The following ABI2 variants were observed in gnomAD, a reference collection of about 807,000 sequenced individuals.
ABI2 encodes abl interactor 2, also known as abelson interactor 2.
Under a neutral mutation model 59.2 loss-of-function variants are expected in ABI2, and 25 were observed. The ratio of observed to expected loss-of-function variants is 0.42; its 90% CI spans 0.31 to 0.59. The LOEUF (loss-of-function observed/expected upper bound fraction) is 0.59. Ranked by LOEUF, ABI2 falls within the 20% of genes least tolerant of loss-of-function variation. The pLI, the probability that ABI2 is intolerant of heterozygous loss-of-function variation, is 0.14. For missense variants in ABI2, 545 were observed against 681.8 expected (o/e 0.80, Z 2.23); for synonymous variants, 213 against 235.5 (o/e 0.90, Z 0.87).
intron 9 of ABI2, among the ~76,000 whole-genome samples, chr2:203,410,023 C>T (rs923729393): frequency 1.3e-5 from 2 of 152,142 alleles, no homozygotes; most frequent in Non-Finnish European, 1.5e-5. Flanking sequence ...GGAAACATTT[C>T]TGGTCCTGTG....
intron 1 of ABI2, among the ~76,000 whole-genome samples, chr2:203,344,031 G>T (rs2081624975): frequency 6.6e-6 from 1 of 152,170 alleles, no homozygotes. Flanking sequence ...TAGTTGGGAG[G>T]CTGAGGTGGG....
chr2:203,425,551 C>T (rs1225847554), intron 11 of ABI2, among the ~76,000 whole-genome samples: 2 of 151,988 alleles, frequency 1.3e-5, no homozygotes, highest in Non-Finnish European at 2.9e-5. Flanking sequence ...CTTAAAAAAA[C>T]ACTAGAAAAT....
intron 1 of ABI2, chr2:203,351,626 C>T (rs942757157): frequency 6.9e-6 from 3 of 431,664 alleles, no homozygotes; most frequent in Non-Finnish European, 1.4e-5. Context: ...GCCTTGAACT[C>T]CTGTGCTCAA....
chr2:203,405,968 A>C (rs1424603962), intron 9 of ABI2, among the ~76,000 whole-genome samples: 2 of 152,160 alleles, frequency 1.3e-5, no homozygotes, highest in Non-Finnish European at 2.9e-5. Context: ...TTTTTTCATG[A>C]GATTATTTCA....
chr2:203,414,394 G>T (rs1033028809), intron 10 of ABI2, among the ~76,000 whole-genome samples: 1 of 151,998 alleles, frequency 6.6e-6, no homozygotes, highest in East Asian at 1.9e-4. Flanking sequence ...GAGCCTCCCC[G>T]CCTGGCCTTG....
chr2:203,393,960 G>A (rs1390450986), intron 5 of ABI2, among the ~76,000 whole-genome samples: 1 of 151,676 alleles, frequency 6.6e-6, no homozygotes, highest in Non-Finnish European at 1.5e-5. Flanking sequence ...TTGGGAAAAG[G>A]CGGGAAATAT....
At chr2:203,390,984 T>C in intron 4 of ABI2, 62 bp from the exon 5 acceptor site, 1 of 1,315,988 alleles carries the variant, frequency 7.6e-7, no homozygotes, top group Non-Finnish European at 1.1e-6. Flanking sequence ...TAGCATATTA[T>C]TTCCCAAAAG....
At chr2:203,340,517 C>T (rs2152494630) in intron 1 of ABI2, among the ~76,000 whole-genome samples, 1 of 152,112 alleles carries the variant, frequency 6.6e-6, no homozygotes, top group Admixed American at 6.6e-5. Flanking sequence ...CATGTGTGTA[C>T]CACCACACAT....
intron 5 of ABI2, among the ~76,000 whole-genome samples, chr2:203,393,806 A>T (rs750427672): frequency 6.6e-6 from 1 of 151,770 alleles, no homozygotes; most frequent in Non-Finnish European, 1.5e-5. Context: ...CAATATGTCA[A>T]TTGACTGTTT....
At chr2:203,388,030 A>C in intron 4 of ABI2, among the ~76,000 whole-genome samples, 1 of 152,286 alleles carries the variant, frequency 6.6e-6, no homozygotes, top group South Asian at 2.1e-4. Context: ...TCTGAAATAT[A>C]GTTTAACTTT....
chr2:203,372,540 G>A (rs1047182002), intron 2 of ABI2, among the ~76,000 whole-genome samples: 1 of 150,964 alleles, frequency 6.6e-6, no homozygotes, highest in Non-Finnish European at 1.5e-5. Context: ...CAGACGGGGC[G>A]GCTGGCCGGG....
intron 11 of ABI2, among the ~76,000 whole-genome samples, chr2:203,419,777 T>G (rs1200361945): frequency 1.3e-5 from 2 of 151,852 alleles, no homozygotes; most frequent in Admixed American, 1.3e-4. Flanking sequence ...ACACCTGAGG[T>G]TGGGAGTTGG....
intron 2 of ABI2, among the ~76,000 whole-genome samples, chr2:203,368,818 ATT>A (rs561463957): frequency 2.1e-5 from 3 of 143,438 alleles, no homozygotes; most frequent in East Asian, 2.0e-4. Context: ...AAATAGATGA[ATT>A]TTTTTTTTTT....
intron 1 of ABI2, among the ~76,000 whole-genome samples, chr2:203,346,958 ATTTCT>A (rs2084003516): frequency 6.6e-6 from 1 of 152,068 alleles, no homozygotes; most frequent in Non-Finnish European, 1.5e-5. Flanking sequence ...TCAGCCATTC[ATTTCT>A]TATCTTATAA....
intron 11 of ABI2, among the ~76,000 whole-genome samples, chr2:203,419,264 C>T (rs980390822): frequency 9.9e-5 from 15 of 151,460 alleles, no homozygotes; most frequent in Non-Finnish European, 2.1e-4. Context: ...CGCCCACCAC[C>T]GCGCCCCGCT....
intron 2 of ABI2, among the ~76,000 whole-genome samples, chr2:203,376,915 A>G (rs1356969007): frequency 6.6e-6 from 1 of 152,098 alleles, no homozygotes; most frequent in Non-Finnish European, 1.5e-5. Flanking sequence ...TTAAAGTCTC[A>G]ATTTTTCAAA....
At chr2:203,417,145 G>A in intron 11 of ABI2, 64 bp downstream of exon 11, 1 of 1,343,826 alleles carries the variant, frequency 7.4e-7, no homozygotes, top group African/African-American at 1.5e-5. Flanking sequence ...GAAATTTGCG[G>A]TACTGAAGAG....
At chr2:203,419,400 G>A (rs1179444233) in intron 11 of ABI2, among the ~76,000 whole-genome samples, 5 of 134,108 alleles carry the variant, frequency 3.7e-5, no homozygotes, top group African/African-American at 1.4e-4. Flanking sequence ...GCAGAGTCTC[G>A]CTCTGTCGCC....
At chr2:203,348,129 T>C (rs541212905) in intron 1 of ABI2, among the ~76,000 whole-genome samples, 151 of 152,166 alleles carry the variant, frequency 9.9e-4, no homozygotes, top group African/African-American at 3.4e-3. Flanking sequence ...TAATCCCAGC[T>C]ACTTGGGAGG....
Sources: allele counts gnomAD v4.1 joint callset (sites outside exome capture counted in the v4.1 genomes callset), GRCh38; gene constraint gnomAD v4.1.1; transcripts MANE v1.5; gene names NCBI Gene and HGNC (gene_info 2026-07-23, HGNC 2026-07-21).